Variants in CD247 observed in about 807,000 individuals in gnomAD.
CD247 encodes the protein CD247 molecule, also known as T-cell surface glycoprotein CD3 zeta chain.
In CD247, 13 loss-of-function variants were observed where a neutral mutation model predicts 30.0. That is an observed-to-expected ratio of 0.43 (90% CI 0.28 to 0.69). CD247 has a LOEUF of 0.69. Ranked by LOEUF, CD247 falls within the 30% of genes least tolerant of loss-of-function variation. CD247 has a pLI of 0.16. For synonymous variants in CD247, 72 were observed against 80.0 expected (o/e 0.90, Z 0.53); for missense variants, 193 against 212.6 (o/e 0.91, Z 0.57).
chr1:167,431,878 A>G (rs536541721), intron 7 of CD247, 132 bp from the exon 8 acceptor site: 2 of 763,434 alleles, frequency 2.6e-6, no homozygotes, highest in African/African-American at 1.7e-5. Context: ...AGGCCCAGGA[A>G]TAATCCCCCT....
Position 167,494,210 on chromosome 1 carries a change from C to G in CD247, c.58+24198G>C, listed in dbSNP as rs1654582189. Among the ~76,000 whole-genome samples the G allele has an allele frequency of 6.6e-6, 1 of 152,196 alleles. No individual in the cohort carries two copies. Among genetic ancestry groups the G allele is most frequent in the African/African-American group, 2.4e-5 (1 of 41,456 alleles). On this transcript the variant is annotated intron_variant, in intron 1 of 7. Coordinates refer to ENST00000362089, the MANE Select transcript of CD247 (RefSeq NM_198053.3). This position sits in a 1 kb window ranked among gnomAD's most constrained non-coding sequence, Gnocchi z 7.3. ...GAGGTGGCTAGTGAATAAAACACTT[C>G]TGAAGGGTCTTTGCTGCCTGTGTTG...
Position 167,461,078 on chromosome 1 carries a change from C to T in CD247, c.59-20311G>A, listed in dbSNP as rs145175987. ...CAAAGCCTGCCGTGCCTGCAGCTGC[C>T]ACGCTGGGGACATGCTGGGGACGTG... On this transcript the variant is annotated intron_variant, in intron 1 of 7. Coordinates refer to ENST00000362089, the MANE Select transcript of CD247 (RefSeq NM_198053.3). 5.3e-3 allele frequency among the ~76,000 whole-genome samples: 815 copies of T among 152,366 alleles called. 5 individuals carry two copies. The highest frequency in any genetic ancestry group is 0.01 in the South Asian group (50 of 4,830).
At chr1:167,435,555 T>C in intron 4 of CD247, 121 bp from the exon 5 acceptor site, 1 of 812,176 alleles carries the variant, frequency 1.2e-6, no homozygotes, top group Non-Finnish European at 2.1e-6. Context: ...TCTGCCTCTC[T>C]CCTCCCTGTG....
chr1:167,470,430 A>G (rs1256961136), intron 1 of CD247, among the ~76,000 whole-genome samples: 1 of 151,628 alleles, frequency 6.6e-6, no homozygotes, highest in Non-Finnish European at 1.5e-5. Context: ...TGATTTCTCA[A>G]TCCAAAACTG....
chr1:167,455,034 C>G (rs2102017168), intron 1 of CD247, among the ~76,000 whole-genome samples: 1 of 152,340 alleles, frequency 6.6e-6, no homozygotes, highest in South Asian at 2.1e-4. Flanking sequence ...GCCAGGCCTC[C>G]GCCCCTCGGT....
chr1:167,443,951 C>T (rs1303973689), intron 1 of CD247, among the ~76,000 whole-genome samples: 3 of 152,124 alleles, frequency 2.0e-5, no homozygotes, highest in Non-Finnish European at 4.4e-5. Context: ...GATTCAGTTA[C>T]GCAATTAATT....
chr1:167,454,343 T>C (rs536498134), intron 1 of CD247, among the ~76,000 whole-genome samples: 1 of 152,314 alleles, frequency 6.6e-6, no homozygotes, highest in African/African-American at 2.4e-5. Flanking sequence ...CTTTTTGTGG[T>C]GTTTGGAACT....
intron 1 of CD247, among the ~76,000 whole-genome samples, chr1:167,449,156 T>TTTTTTATTTTTTTC: frequency 8.8e-6 from 1 of 113,586 alleles, no homozygotes; most frequent in African/African-American, 3.6e-5. Flanking sequence ...TTTCTTTTTT[T>TTTTTTATTTTTTTC]TTTTTTTTTT....
chr1:167,436,567 T>C (rs1186982890), intron 4 of CD247, among the ~76,000 whole-genome samples: 2 of 152,094 alleles, frequency 1.3e-5, no homozygotes, highest in Non-Finnish European at 1.5e-5. Context: ...AGCAAAATAA[T>C]GAAATTGGAC....
At chr1:167,443,899 A>G (rs1208382486) in intron 1 of CD247, among the ~76,000 whole-genome samples, 2 of 152,230 alleles carry the variant, frequency 1.3e-5, no homozygotes, top group African/African-American at 2.4e-5. Flanking sequence ...CCTGAGGAAG[A>G]CAGTCATGGC....
chr1:167,498,898 G>T (rs1009283402), intron 1 of CD247, among the ~76,000 whole-genome samples: 1 of 152,184 alleles, frequency 6.6e-6, no homozygotes, highest in Non-Finnish European at 1.5e-5. Context: ...GCTTTCTATG[G>T]TTTACGGCTG....
intron 1 of CD247, among the ~76,000 whole-genome samples, chr1:167,503,282 CA>C (rs1212073824): frequency 6.6e-6 from 1 of 152,102 alleles, no homozygotes; most frequent in Non-Finnish European, 1.5e-5. Flanking sequence ...CTCCTTTTTG[CA>C]TTAAATCCTA....
intron 1 of CD247, among the ~76,000 whole-genome samples, chr1:167,468,115 T>C (rs1311395466): frequency 1.3e-5 from 2 of 152,124 alleles, no homozygotes; most frequent in African/African-American, 2.4e-5. Context: ...ATTTTAGGCA[T>C]AGCTATTTAT....
intron 5 of CD247, chr1:167,434,357 G>C: frequency 2.0e-6 from 1 of 512,568 alleles, no homozygotes; most frequent in East Asian, 3.5e-5. Flanking sequence ...AGGAGGTGGA[G>C]TTCTAGACAA....
At chr1:167,444,842 C>A (rs1651995616) in intron 1 of CD247, among the ~76,000 whole-genome samples, 1 of 152,174 alleles carries the variant, frequency 6.6e-6, no homozygotes, top group South Asian at 2.1e-4. Context: ...TATTATGGAA[C>A]TTCTCTAAGC....
At chr1:167,439,264 G>A in intron 3 of CD247, 80 bp downstream of exon 3, 1 of 1,325,802 alleles carries the variant, frequency 7.5e-7, no homozygotes, top group African/African-American at 1.4e-5. Context: ...CTAAACCCAA[G>A]ACTCTGGCGG....
chr1:167,435,693 G>A (rs1301049981), intron 4 of CD247, among the ~76,000 whole-genome samples: 6 of 152,256 alleles, frequency 3.9e-5, no homozygotes, highest in Admixed American at 6.5e-5. Context: ...CATTGCCCAG[G>A]GCAGGCCATC....
intron 7 of CD247, among the ~76,000 whole-genome samples, chr1:167,432,105 G>T (rs542896556): frequency 7.1e-4 from 26 of 36,628 alleles, no homozygotes; most frequent in African/African-American, 3.3e-3. Flanking sequence ...CAGGAATCAG[G>T]GGGGAGGGCC....
Position 167,438,594 on chromosome 1 carries a change from C to T in CD247, c.276G>A (p.Arg92=). 1 of 1,614,064 alleles carries T rather than the reference C, an allele frequency of 6.2e-7. No homozygotes were observed. Among genetic ancestry groups the T allele is most frequent in the Non-Finnish European group, 8.5e-7 (1 of 1,179,944 alleles). The change falls in exon 4 of 8, where the codon CGG becomes CGA. Residue 92 remains arginine, a synonymous_variant. Transcript: ENST00000362089. ...EYDVLDKRRG[R]DPEMGGKPQR... ...CCGGCTTTCCCCCCATCTCAGGGTC[C>T]CGGCCACGTCTCTTGTCCAAAACAT... is the stretch of plus-strand genomic sequence containing the variant.
Sources: allele counts gnomAD v4.1 joint callset (sites outside exome capture counted in the v4.1 genomes callset), GRCh38; gene constraint gnomAD v4.1.1; non-coding constraint Gnocchi (gnomAD v3.1); transcripts MANE v1.5; gene names NCBI Gene and HGNC (gene_info 2026-07-23, HGNC 2026-07-21).